The following KIF2C variants were observed in gnomAD, a reference collection of about 807,000 sequenced individuals.
KIF2C encodes kinesin family member 2C.
Under a neutral mutation model 97.4 loss-of-function variants are expected in KIF2C, and 34 were observed. The ratio of observed to expected loss-of-function variants is 0.35; its 90% CI spans 0.27 to 0.46. The LOEUF (loss-of-function observed/expected upper bound fraction) is 0.46, where lower values mean the gene tolerates loss of function less well. Ranked by LOEUF, KIF2C falls within the 20% of genes least tolerant of loss-of-function variation. KIF2C has a pLI of 1.00. For missense variants in KIF2C, 750 were observed against 907.6 expected, an observed-to-expected ratio of 0.83 and a Z score of 2.23; for synonymous variants, 313 against 318.2, an observed-to-expected ratio of 0.98 and a Z score of 0.17.
Position 44,756,055 on chromosome 1 carries a change from G to T in KIF2C, c.815-20G>T. The T allele has an allele frequency of 6.2e-7, 1 of 1,614,180 alleles. No homozygotes were observed. The highest frequency in any genetic ancestry group is 8.5e-7 in the Non-Finnish European group (1 of 1,180,026). ...CTTCTGTTTCCAGGGAGCACCCCCT[G>T]AAATACTCTCCTTCTGCAGAATTGG... is the stretch of plus-strand genomic sequence containing the variant. On this transcript the variant is annotated intron_variant, in intron 9 of 20. Coordinates refer to ENST00000372224, the MANE Select transcript of KIF2C (RefSeq NM_006845.4).
intron 16 of KIF2C, among the ~76,000 whole-genome samples, chr1:44,761,600 T>G (rs1650148188): frequency 6.8e-6 from 1 of 147,850 alleles, no homozygotes; most frequent in African/African-American, 2.5e-5. Context: ...AGAGTGAGAC[T>G]CCGTCTCAAA....
chr1:44,756,965 T>C (rs1364161584), intron 10 of KIF2C, among the ~76,000 whole-genome samples: 1 of 152,026 alleles, frequency 6.6e-6, no homozygotes, highest in Non-Finnish European at 1.5e-5. Flanking sequence ...TTGCCCAGGC[T>C]GGAGTGCAGT....
chr1:44,749,361 G>A (rs181923258), intron 4 of KIF2C, among the ~76,000 whole-genome samples: 1 of 152,152 alleles, frequency 6.6e-6, no homozygotes, highest in Non-Finnish European at 1.5e-5. Context: ...TTGAGCCCGG[G>A]GGGGCAGAGG....
In KIF2C at chr1:44,759,196, C is replaced by T; in HGVS notation, c.1225-10C>T. 1.2e-6 allele frequency: 2 copies of T among 1,613,848 alleles called. No homozygotes were observed. The highest frequency in any genetic ancestry group is 1.7e-6 in the Non-Finnish European group (2 of 1,179,908). ...AGTGGCCTTAGCCTCATTCCCCCTG[C>T]CTGGCACAGCTGTTTGACCTGCTCA... On this transcript the variant is annotated splice_polypyrimidine_tract_variant and intron_variant, in intron 13 of 20. Transcript: ENST00000372224.
chr1:44,762,544 G>A lies in KIF2C; in HGVS notation c.1858-1G>A, dbSNP rs1650218967. ...ATTGTCTTTCTTTTTGGCCCTCTCA[G>A]TTATCCAAGGAAGAGGAGGAACTGT... is the stretch of plus-strand genomic sequence containing the variant. On this transcript the variant is annotated splice_acceptor_variant, in intron 18 of 20. Coordinates refer to ENST00000372224, the MANE Select transcript of KIF2C (RefSeq NM_006845.4). LOFTEE classifies it high-confidence loss of function. 6.2e-7 allele frequency: 1 copy of A among 1,613,658 alleles called. No individual in the cohort carries two copies. Among genetic ancestry groups the A allele is most frequent in the Non-Finnish European group, 8.5e-7 (1 of 1,179,532 alleles).
chr1:44,753,961 T>C (rs1649677267), intron 7 of KIF2C, 128 bp downstream of exon 7: 3 of 199,618 alleles, frequency 1.5e-5, no homozygotes, highest in Admixed American at 6.6e-5. Flanking sequence ...CCCAATTCTT[T>C]TTTTTTTTTT....
At chr1:44,740,551 C>T (rs190274297) in intron 1 of KIF2C, among the ~76,000 whole-genome samples, 1 of 152,288 alleles carries the variant, frequency 6.6e-6, no homozygotes, top group East Asian at 1.9e-4. Context: ...GGGCCAGATC[C>T]TCAATGCTAT....
intron 2 of KIF2C, 33 bp from the exon 3 acceptor site, chr1:44,747,351 T>G: frequency 1.3e-6 from 2 of 1,500,058 alleles, no homozygotes; most frequent in Non-Finnish European, 1.8e-6. Context: ...TGAACAATGT[T>G]GTTTCATTGA....
At chr1:44,745,788 T>C (rs886329396) in intron 2 of KIF2C, among the ~76,000 whole-genome samples, 10 of 151,656 alleles carry the variant, frequency 6.6e-5, no homozygotes, top group African/African-American at 2.4e-4. Context: ...TCTTAATTCA[T>C]CTTTGACTAC....
intron 17 of KIF2C, 150 bp downstream of exon 17, chr1:44,762,133 T>C (rs1650185671): frequency 1.2e-6 from 1 of 863,246 alleles, no homozygotes; most frequent in Non-Finnish European, 2.0e-6. Context: ...GCCGTGATGC[T>C]AGGTCTGTCC....
chr1:44,748,135 C>T (rs565589810), intron 4 of KIF2C, among the ~76,000 whole-genome samples: 1 of 152,176 alleles, frequency 6.6e-6, no homozygotes, highest in Non-Finnish European at 1.5e-5. Context: ...GAGAGAATAA[C>T]AGCATTGCCT....
intron 2 of KIF2C, among the ~76,000 whole-genome samples, chr1:44,743,466 A>G (rs906249101): frequency 5.3e-5 from 8 of 152,150 alleles, no homozygotes; most frequent in Non-Finnish European, 1.0e-4. Flanking sequence ...GGTGAAGGAG[A>G]CAGACTCTTG....
At chr1:44,766,064 A>G (rs1292720427) in intron 19 of KIF2C, among the ~76,000 whole-genome samples, 1 of 151,850 alleles carries the variant, frequency 6.6e-6, no homozygotes, top group Non-Finnish European at 1.5e-5. Context: ...GAAAAAATAA[A>G]TAAATAAATA....
intron 10 of KIF2C, among the ~76,000 whole-genome samples, chr1:44,756,608 A>G (rs903204180): frequency 4.5e-5 from 6 of 133,948 alleles, no homozygotes; most frequent in African/African-American, 1.7e-4. Flanking sequence ...ACTGGAATGC[A>G]GGGGCACAAT....
At chr1:44,762,154 C>T (rs932886996) in intron 17 of KIF2C, 171 bp downstream of exon 17, 27 of 837,158 alleles carry the variant, frequency 3.2e-5, no homozygotes, top group Non-Finnish European at 4.3e-5. Flanking sequence ...CAATCCTCTC[C>T]GGGCCCTGCT....
chr1:44,753,022 C>G (rs1046838604), intron 5 of KIF2C, 110 bp from the exon 6 acceptor site: 4 of 1,342,206 alleles, frequency 3.0e-6, no homozygotes, highest in Admixed American at 2.1e-5. Flanking sequence ...TACTGTAAGC[C>G]TTACCGAGCA....
chr1:44,748,781 A>G (rs1557591458), intron 4 of KIF2C, among the ~76,000 whole-genome samples: 1 of 145,602 alleles, frequency 6.9e-6, no homozygotes, highest in Non-Finnish European at 1.5e-5. Context: ...TCCTGGCCTC[A>G]AGTGATCCTC....
At position 44,760,671 on chromosome 1, in the gene KIF2C, C is replaced by T. The variant is rs1650094818; in HGVS notation, c.1652C>T (p.Ser551Phe). 1.2e-6 allele frequency: 2 copies of T among 1,614,144 alleles called. No homozygotes were observed. The highest frequency in any genetic ancestry group is 1.7e-6 in the Non-Finnish European group (2 of 1,180,008). ...ESKLTQVLRD[S>F]FIGENSRTCM... is the part of the protein sequence containing the mutation. ...AAGCTGACACAGGTGCTGAGGGACT[C>T]CTTCATTGGGGAGAACTCTAGGACT... is the stretch of plus-strand genomic sequence containing the variant. The change falls in exon 16 of 21, where the codon TCC becomes TTC. Residue 551 changes from serine (S) to phenylalanine (F), a missense_variant. Physicochemically the swap from Ser to Phe is radical, Grantham distance 155. Coordinates refer to ENST00000372224, the MANE Select transcript of KIF2C (RefSeq NM_006845.4). This position sits in a 1 kb window ranked among gnomAD's most constrained non-coding sequence, Gnocchi z 4.2.
At position 44,760,374 on chromosome 1, in the gene KIF2C, T is replaced by C; in HGVS notation, c.1462T>C (p.Phe488Leu). ...AGCTAAAGGGAGAATGCATGGCAAG[T>C]TCTCTTTGGTAGATCTGGCAGGGAA... ...LRAKGRMHGKFSLVDLAGNER... is the reference protein window; with the variant it reads ...LRAKGRMHGKLSLVDLAGNER... Residue 488 changes from phenylalanine (F) to leucine (L), a missense_variant, in exon 15 of 21, where the codon TTC becomes CTC. Coordinates refer to ENST00000372224, the MANE Select transcript of KIF2C (RefSeq NM_006845.4). This position sits in a 1 kb window ranked among gnomAD's most constrained non-coding sequence, Gnocchi z 4.2. 6.2e-7 allele frequency: 1 copy of C among 1,614,238 alleles called. No individual in the cohort carries two copies. Among genetic ancestry groups the C allele is most frequent in the Non-Finnish European group, 8.5e-7 (1 of 1,180,044 alleles).
Sources: gnomAD v4.1 joint callset for allele counts (sites outside exome capture counted in the v4.1 genomes callset) on GRCh38, gnomAD v4.1.1 for gene constraint, Gnocchi (gnomAD v3.1) non-coding constraint, MANE v1.5 for transcripts, NCBI Gene and HGNC (gene_info 2026-07-23, HGNC 2026-07-21) for gene names.